SNAP91: variants seen among roughly 807,000 people sequenced by gnomAD.
The protein encoded by SNAP91 is synaptosome associated protein 91, also known as clathrin coat assembly protein AP180.
A neutral mutation model predicts 100.3 loss-of-function variants in SNAP91; 27 were observed. The observed-to-expected ratio is 0.27, with a 90% confidence interval of 0.20 to 0.37. The LOEUF is 0.37. Among genes scored for constraint, SNAP91 ranks in the 10% least tolerant of loss-of-function variants. The pLI is 1.00. For missense variants in SNAP91, 986 were observed against 1,123.7 expected (o/e 0.88, Z 1.75); for synonymous variants, 404 against 398.6 (o/e 1.01, Z -0.16).
intron 9 of SNAP91, among the ~76,000 whole-genome samples, chr6:83,618,849 T>C (rs927624722): frequency 1.3e-5 from 2 of 151,926 alleles, no homozygotes; most frequent in Admixed American, 6.6e-5. Flanking sequence ...GTTAATGTAA[T>C]GTAAAGAAAG....
intron 20 of SNAP91, 92 bp downstream of exon 20, chr6:83,592,854 G>C: frequency 1.1e-6 from 1 of 936,878 alleles, no homozygotes; most frequent in Admixed American, 2.6e-5. Flanking sequence ...AAATTTAAAA[G>C]AACTCAAGAA....
In SNAP91 at chr6:83,593,570, G is replaced by A; in HGVS notation, c.1604C>T (p.Ala535Val). 1 of 1,550,992 alleles carries A rather than the reference G, an allele frequency of 6.4e-7. No homozygotes were observed. Among genetic ancestry groups the A allele is most frequent in the Non-Finnish European group, 8.7e-7 (1 of 1,144,176 alleles). The stretch of plus-strand genomic sequence containing the variant: ...GGCAGCGGCGGTGGCAGCAGTAGTG[G>A]CAGCAGCAGCAGCTGCAACGGCAGG... ...PAPAVAAAAA[A>V]TTAATAAATT... The change falls in exon 18 of 30, where the codon GCC becomes GTC. Residue 535 changes from alanine to valine, a missense_variant. By Grantham distance (64) the Ala-to-Val change is moderately conservative (BLOSUM62 0). This residue lies in a region of SNAP91 where 575 missense variants were observed against 579.9 expected (regional missense o/e 0.99). Transcript: ENST00000369694.
chr6:83,557,030 T>C (rs923093880), intron 28 of SNAP91, among the ~76,000 whole-genome samples: 1 of 152,212 alleles, frequency 6.6e-6, no homozygotes, highest in Admixed American at 6.5e-5. Context: ...CATATTGGAC[T>C]TGTTGCAAAA....
chr6:83,653,774 T>C (rs1285787290), intron 7 of SNAP91, among the ~76,000 whole-genome samples: 1 of 152,200 alleles, frequency 6.6e-6, no homozygotes, highest in Non-Finnish European at 1.5e-5. Context: ...TGTTCCATAG[T>C]CCTGTGTTTA....
chr6:83,584,640 AT>A (rs1291429298), intron 22 of SNAP91, among the ~76,000 whole-genome samples: 2 of 152,200 alleles, frequency 1.3e-5, no homozygotes, highest in African/African-American at 4.8e-5. Flanking sequence ...AATGGCTGAT[AT>A]TTGACTGTTT....
intron 14 of SNAP91, among the ~76,000 whole-genome samples, chr6:83,603,123 T>A (rs939894592): frequency 4.6e-5 from 7 of 152,336 alleles, no homozygotes; most frequent in Admixed American, 3.9e-4. Context: ...GAGCACTCAA[T>A]CAATATTAGC....
In SNAP91 at chr6:83,659,141, T is replaced by A. The variant is rs938119090; in HGVS notation, c.453-49A>T. 2.7e-5 allele frequency: 36 copies of A among 1,356,806 alleles called. No homozygotes were observed. The Admixed American group carries it at 6.1e-4, about 23-fold the overall frequency. 84.0% of individuals were successfully genotyped at this position (1,356,806 alleles called of 1,614,324 possible). A position where few individuals can be genotyped will look rare whatever the true frequency, so the allele number is the denominator to read the frequency against. ...GTACAATTTCATTGGATATGGACAA[T>A]TCAAGACCATATGAATTGTTCTAAG... is the stretch of plus-strand genomic sequence containing the variant. On this transcript the variant is annotated intron_variant, in intron 5 of 29. Coordinates refer to ENST00000369694, the MANE Select transcript of SNAP91 (RefSeq NM_001242792.2).
At chr6:83,594,875 T>G (rs922377857) in intron 16 of SNAP91, among the ~76,000 whole-genome samples, 3 of 152,202 alleles carry the variant, frequency 2.0e-5, no homozygotes, top group Non-Finnish European at 4.4e-5. Context: ...TCACTGTTAT[T>G]AAAATGTCCC....
chr6:83,646,428 AT>A (rs2097919315), intron 7 of SNAP91, among the ~76,000 whole-genome samples: 1 of 152,128 alleles, frequency 6.6e-6, no homozygotes, highest in African/African-American at 2.4e-5. Flanking sequence ...GTCCAGATTA[AT>A]TTTTTTGGTG....
intron 26 of SNAP91, 78 bp from the exon 27 acceptor site, chr6:83,561,025 A>C (rs1271998712): frequency 5.4e-6 from 5 of 926,156 alleles, no homozygotes; most frequent in Admixed American, 6.1e-5. Context: ...ACAAACAAAA[A>C]GAACAATATA....
At chr6:83,662,293 T>G in intron 4 of SNAP91, 54 bp downstream of exon 4, 2 of 698,050 alleles carry the variant, frequency 2.9e-6, no homozygotes, top group Non-Finnish European at 4.4e-6. Flanking sequence ...ATTAATAGCC[T>G]CACTTCAAAA....
chr6:83,635,775 A>G (rs1036425908), intron 8 of SNAP91, among the ~76,000 whole-genome samples: 8 of 152,064 alleles, frequency 5.3e-5, no homozygotes, highest in African/African-American at 1.9e-4. Context: ...GGAATTATGG[A>G]CTATGTACTT....
In SNAP91 at chr6:83,617,049, GA is replaced by G; in HGVS notation, c.808-11del. On this transcript the variant is annotated splice_polypyrimidine_tract_variant and intron_variant, in intron 9 of 29. Transcript: ENST00000369694. ...TAAGACTGCTGGGAGCCTACAATAA[GA>G]AAGTAAAAATAAATGTCTGCATTGT... 2.6e-6 allele frequency: 4 copies of G among 1,522,894 alleles called. No homozygotes were observed. The highest frequency in any genetic ancestry group is 8.9e-7 in the Non-Finnish European group (1 of 1,128,934). The allele number at this position is 1,522,894 out of a possible 1,614,324, so 94.3% of individuals were successfully genotyped here.
At position 83,626,333 on chromosome 6, in the gene SNAP91, G is replaced by A. The variant is rs376066686; in HGVS notation, c.766-2991C>T. 9.9e-5 allele frequency among the ~76,000 whole-genome samples: 15 copies of A among 152,026 alleles called. No homozygotes were observed. The East Asian group carries it at 2.5e-3, about 25-fold the overall frequency. On this transcript the variant is annotated intron_variant, in intron 8 of 29. Transcript: ENST00000369694. ...GTTCTTTTTGCTTAAGATTGCTTTG[G>A]CTATTCCACCTCTTTTTTGGCTTCA...
At chr6:83,692,110 A>C (rs1340333417) in intron 2 of SNAP91, among the ~76,000 whole-genome samples, 1 of 152,222 alleles carries the variant, frequency 6.6e-6, no homozygotes, top group African/African-American at 2.4e-5. Context: ...GTACATATCT[A>C]TTCTGCTTAC....
chr6:83,686,161 C>T, intron 2 of SNAP91: 2 of 985,290 alleles, frequency 2.0e-6, no homozygotes, highest in Non-Finnish European at 2.4e-6. Context: ...TCCTTAATAT[C>T]CCACAATCAA....
chr6:83,659,959 T>A (rs545236826), intron 5 of SNAP91, among the ~76,000 whole-genome samples: 1 of 152,342 alleles, frequency 6.6e-6, no homozygotes, highest in Non-Finnish European at 1.5e-5. Flanking sequence ...GAGGGTGCAC[T>A]GCACCTTGTC....
At chr6:83,615,870 G>T (rs971086626) in intron 10 of SNAP91, among the ~76,000 whole-genome samples, 1 of 152,122 alleles carries the variant, frequency 6.6e-6, no homozygotes, top group Non-Finnish European at 1.5e-5. Flanking sequence ...GTTGCATTTT[G>T]ATAGCTCTGT....
intron 3 of SNAP91, among the ~76,000 whole-genome samples, chr6:83,665,234 C>A (rs1030014952): frequency 2.6e-5 from 4 of 151,998 alleles, no homozygotes; most frequent in Non-Finnish European, 5.9e-5. Context: ...TTCCTCATAT[C>A]TCTAAGACAA....
Sources: gnomAD v4.1 joint callset for allele counts (sites outside exome capture counted in the v4.1 genomes callset) on GRCh38, gnomAD v4.1.1 for gene constraint, gnomAD v4.1.1 regional missense constraint, MANE v1.5 for transcripts, NCBI Gene and HGNC (gene_info 2026-07-23, HGNC 2026-07-21) for gene names.